Variants in PLPP3 observed in about 807,000 individuals in gnomAD.
PLPP3 encodes phospholipid phosphatase 3.
PLPP3 carries 6 observed loss-of-function variants against 29.6 expected under a neutral mutation model. That is an observed-to-expected ratio of 0.20 (90% confidence interval 0.11 to 0.40). PLPP3 has a LOEUF of 0.40. PLPP3 is among the 10% of genes least tolerant of loss of function. The pLI, the probability that PLPP3 is intolerant of heterozygous loss-of-function variation, is 1.00. For missense variants in PLPP3, 308 were observed against 407.7 expected (o/e 0.76, Z 2.11); for synonymous variants, 152 against 159.7 (o/e 0.95, Z 0.36).
At chr1:56,552,121 G>A (rs1043398426) in intron 1 of PLPP3, among the ~76,000 whole-genome samples, 6 of 151,908 alleles carry the variant, frequency 3.9e-5, no homozygotes, top group African/African-American at 1.5e-4. Context: ...CAGACCTGAA[G>A]GCTAAGGCAT....
At chr1:56,561,380 C>T (rs1351857929) in intron 1 of PLPP3, among the ~76,000 whole-genome samples, 2 of 152,074 alleles carry the variant, frequency 1.3e-5, no homozygotes, top group East Asian at 1.9e-4. Flanking sequence ...TTAGTTAATA[C>T]TTTATTATTG....
intron 1 of PLPP3, among the ~76,000 whole-genome samples, chr1:56,572,043 G>GTTTTTTTTTT (rs375576842): frequency 3.5e-5 from 3 of 85,072 alleles, no homozygotes; most frequent in Non-Finnish European, 6.0e-5. Flanking sequence ...ATCATTTCTG[G>GTTTTTTTTTT]TTTTTTTTTT....
intron 1 of PLPP3, 110 bp downstream of exon 1, chr1:56,578,768 C>G: frequency 2.5e-6 from 3 of 1,192,586 alleles, no homozygotes; most frequent in Non-Finnish European, 2.1e-6. Flanking sequence ...GGGGGCCCCC[C>G]GGAGCTGACG....
intron 5 of PLPP3, among the ~76,000 whole-genome samples, chr1:56,505,553 G>A (rs766961536): frequency 7.2e-5 from 11 of 152,070 alleles, no homozygotes; most frequent in Non-Finnish European, 1.5e-4. Flanking sequence ...CTTCCTCCTC[G>A]TGAGCCTACT....
chr1:56,576,057 A>C lies in PLPP3; in HGVS notation c.139+2821T>G, dbSNP rs189894730. 6.6e-5 allele frequency among the ~76,000 whole-genome samples: 10 copies of C among 152,332 alleles called. No homozygotes were observed. The East Asian group carries it at 1.9e-3, about 29-fold the overall frequency. The stretch of plus-strand genomic sequence containing the variant: ...TAAACTCCCACTGGTGTTATTTGAC[A>C]CCAGATTGTCTTGGCTTTCAAACAA... On this transcript the variant is annotated intron_variant, in intron 1 of 5. Transcript: ENST00000371250.
At position 56,575,359 on chromosome 1, in the gene PLPP3, C is replaced by G. The variant is rs1646228608; in HGVS notation, c.139+3519G>C. On this transcript the variant is annotated intron_variant, in intron 1 of 5. Coordinates refer to ENST00000371250, the MANE Select transcript of PLPP3 (RefSeq NM_003713.5). ...AAGTAAATAATAATAAATGATGACT[C>G]TATGTATCCCATATATAGAACCAGT... Among the ~76,000 whole-genome samples the G allele has an allele frequency of 2.0e-5, 3 of 152,158 alleles. No individual in the cohort carries two copies. The South Asian group carries it at 6.2e-4, about 31-fold the overall frequency.
intron 1 of PLPP3, among the ~76,000 whole-genome samples, chr1:56,575,126 C>T (rs529024904): frequency 1.6e-4 from 25 of 152,238 alleles, no homozygotes; most frequent in African/African-American, 5.8e-4. Context: ...CAAGCCTCTA[C>T]TAGAAATCGG....
chr1:56,545,587 T>C (rs1271789129), intron 1 of PLPP3, among the ~76,000 whole-genome samples: 2 of 152,084 alleles, frequency 1.3e-5, no homozygotes, highest in Non-Finnish European at 2.9e-5. Flanking sequence ...AACCCTGACA[T>C]AGGGAAGAAA....
chr1:56,578,367 C>T (rs1440329379), intron 1 of PLPP3, among the ~76,000 whole-genome samples: 1 of 152,188 alleles, frequency 6.6e-6, no homozygotes, highest in Non-Finnish European at 1.5e-5. Flanking sequence ...AGTGAAAAGG[C>T]CGGCTAGCCA....
rs1646260440 is a variant in PLPP3, at chr1:56,579,295, T to C, written c.-279A>G. The C allele has an allele frequency of 2.5e-6, 1 of 401,684 alleles. No homozygotes were observed. The highest frequency in any genetic ancestry group is 4.4e-6 in the Non-Finnish European group (1 of 225,862). The allele number at this position is 401,684 out of a possible 1,614,324, so 24.9% of individuals were successfully genotyped here. On this transcript the variant is annotated 5_prime_UTR_variant, in exon 1 of 6. Transcript: ENST00000371250. Reference sequence around the variant, plus strand: ...AGAGCCAGATCCCGAGCAGAAACTTTTGCAGAGCTGCGCAGCTTGGGGCGC... The same window carrying C: ...AGAGCCAGATCCCGAGCAGAAACTTCTGCAGAGCTGCGCAGCTTGGGGCGC...
chr1:56,513,068 T>C (rs1645753874), intron 4 of PLPP3: 2 of 152,156 alleles, frequency 1.3e-5, no homozygotes, highest in Non-Finnish European at 2.9e-5. Flanking sequence ...CACTTGGAAC[T>C]ATGGATATTG....
chr1:56,525,252 G>C (rs187613474), intron 2 of PLPP3, among the ~76,000 whole-genome samples: 1 of 152,326 alleles, frequency 6.6e-6, no homozygotes, highest in African/African-American at 2.4e-5. Context: ...TTACTTTTTA[G>C]AAGCAGAGTG....
chr1:56,506,252 G>A (rs1416423161), intron 5 of PLPP3, among the ~76,000 whole-genome samples: 2 of 152,170 alleles, frequency 1.3e-5, no homozygotes, highest in African/African-American at 4.8e-5. Context: ...CTGGGGATTT[G>A]GTTCCTACTC....
chr1:56,521,164 G>A (rs1199670419), intron 4 of PLPP3, among the ~76,000 whole-genome samples: 1 of 148,872 alleles, frequency 6.7e-6, no homozygotes, highest in Admixed American at 6.8e-5. Flanking sequence ...GAGTCCAAGA[G>A]GCAGAGGTTG....
At position 56,579,481 on chromosome 1, in the gene PLPP3, C is replaced by G; in HGVS notation, c.-465G>C. On this transcript the variant is annotated 5_prime_UTR_variant, in exon 1 of 6. Transcript: ENST00000371250. Reference sequence around the variant, plus strand: ...TCTAACTTTGCCTCCTCCTCCTCCTCCTCCTCCGGCTCCTCCTGCTCCTCC... The same window carrying G: ...TCTAACTTTGCCTCCTCCTCCTCCTGCTCCTCCGGCTCCTCCTGCTCCTCC... 5.5e-6 allele frequency: 1 copy of G among 181,516 alleles called. No individual in the cohort carries two copies. Among genetic ancestry groups the G allele is most frequent in the Non-Finnish European group, 1.1e-5 (1 of 87,888 alleles). The allele number at this position is 181,516 out of a possible 1,614,324, so 11.2% of individuals were successfully genotyped here. A position where few individuals can be genotyped will look rare whatever the true frequency, so the allele number is the denominator to read the frequency against.
intron 1 of PLPP3, among the ~76,000 whole-genome samples, chr1:56,577,503 C>T (rs1646244203): frequency 6.6e-6 from 1 of 152,090 alleles, no homozygotes; most frequent in Non-Finnish European, 1.5e-5. Context: ...CTCTAAGAAT[C>T]CTATCTTTCT....
intron 1 of PLPP3, among the ~76,000 whole-genome samples, chr1:56,551,763 T>G (rs1181409035): frequency 6.6e-6 from 1 of 152,244 alleles, no homozygotes; most frequent in Non-Finnish European, 1.5e-5. Context: ...TTGATGCCTT[T>G]CAGTGCACTG....
chr1:56,541,206 T>G (rs957066881), intron 1 of PLPP3, among the ~76,000 whole-genome samples: 3 of 152,112 alleles, frequency 2.0e-5, no homozygotes, highest in Non-Finnish European at 2.9e-5. Context: ...AGGAGGGGTT[T>G]CTAGAGTCCA....
intron 1 of PLPP3, among the ~76,000 whole-genome samples, chr1:56,549,962 G>A (rs1011518420): frequency 7.2e-5 from 11 of 152,148 alleles, no homozygotes; most frequent in African/African-American, 1.9e-4. Context: ...AATCCTTTCC[G>A]GGTAAGGAGT....
Sources: gnomAD v4.1 joint callset for allele counts (sites outside exome capture counted in the v4.1 genomes callset) on GRCh38, gnomAD v4.1.1 for gene constraint, MANE v1.5 for transcripts, NCBI Gene and HGNC (gene_info 2026-07-23, HGNC 2026-07-21) for gene names.